The following WDR19 variants were observed in gnomAD, a reference collection of about 807,000 sequenced individuals.
The protein encoded by WDR19 is WD repeat-containing protein 19.
WDR19 carries 121 observed loss-of-function variants against 180.0 expected under a neutral mutation model. That is an observed-to-expected ratio of 0.67 (90% CI 0.58 to 0.78). The LOEUF is 0.78. WDR19 is among the 30% of genes least tolerant of loss of function. WDR19 has a pLI of 0.00. For synonymous variants in WDR19, 497 were observed against 540.7 expected (o/e 0.92, Z 1.12); for missense variants, 1,450 against 1,640.7 (o/e 0.88, Z 2.01).
rs1432446286 is a variant in WDR19 at position 39,231,822 on chromosome 4, A to G, written c.2008A>G (p.Arg670Gly). The G allele has an allele frequency of 1.8e-5, 29 of 1,595,714 alleles. No homozygotes were observed. The highest frequency in any genetic ancestry group is 2.5e-5 in the Non-Finnish European group (29 of 1,165,336). The change falls in exon 18 of 37, where the codon AGG becomes GGG. Residue 670 changes from arginine (R) to glycine (G), a missense_variant. Coordinates refer to ENST00000399820, the MANE Select transcript of WDR19 (RefSeq NM_025132.4). ...KRFSDAWEMC[R>G]ILNDEAAWNE... is the part of the protein sequence containing the mutation. ...GTTTTCTGATGCTTGGGAAATGTGC[A>G]GGATTCTGAATGATGAGGCTGCCTG...
Position 39,279,793 on chromosome 4 carries a change from C to G in WDR19, c.*13+1130C>G, listed in dbSNP as rs114996371. 2.6e-3 allele frequency among the ~76,000 whole-genome samples: 399 copies of G among 151,542 alleles called. 2 individuals carry two copies. Among genetic ancestry groups the G allele is most frequent in the African/African-American group, 9.2e-3 (380 of 41,314 alleles). ...CTCGGCTTACTGCAACCTCTGCCTC[C>G]CAGATTCTAGTGATTCTCGTGCCTC... On this transcript the variant is annotated intron_variant, in intron 36 of 36. Coordinates refer to ENST00000399820, the MANE Select transcript of WDR19 (RefSeq NM_025132.4).
At position 39,245,387 on chromosome 4, in the gene WDR19, T is replaced by A; in HGVS notation, c.2664T>A (p.Leu888=). The A allele has an allele frequency of 6.2e-7, 1 of 1,613,630 alleles. No individual in the cohort carries two copies. The highest frequency in any genetic ancestry group is 8.5e-7 in the Non-Finnish European group (1 of 1,179,764). The stretch of plus-strand genomic sequence containing the variant: ...TTTCCAGGGCAAAAGTTGGTGATCT[T>A]CTGCCCCACGTTTCTTCTCCTAAGA... The part of the protein sequence containing the change: ...RSKNWAKVGD[L]LPHVSSPKIH... The change falls in exon 24 of 37, where the codon CTT becomes CTA. Residue 888 remains leucine (L), a synonymous_variant. Coordinates refer to ENST00000399820, the MANE Select transcript of WDR19 (RefSeq NM_025132.4).
intron 13 of WDR19, 125 bp downstream of exon 13, chr4:39,217,365 A>T: frequency 1.4e-6 from 1 of 731,028 alleles, no homozygotes; most frequent in Non-Finnish European, 2.2e-6. Context: ...AGTGTGAGTA[A>T]AGGATTAACA....
At chr4:39,244,198 A>G (rs1732259962) in intron 21 of WDR19, 50 bp from the exon 22 acceptor site, 9 of 1,590,170 alleles carry the variant, frequency 5.7e-6, no homozygotes, top group Admixed American at 3.4e-5. Flanking sequence ...TCTTAAACAC[A>G]TCGTGTTAAG....
At chr4:39,211,929 C>CAGAG (rs60128786) in intron 9 of WDR19, among the ~76,000 whole-genome samples, 26 of 135,346 alleles carry the variant, frequency 1.9e-4, no homozygotes, top group African/African-American at 6.6e-4. Context: ...TATAGACAGA[C>CAGAG]AGAGAGAGAG....
chr4:39,242,960 G>A (rs1210779979), intron 21 of WDR19, among the ~76,000 whole-genome samples: 7 of 151,972 alleles, frequency 4.6e-5, no homozygotes, highest in South Asian at 2.1e-4. Context: ...GAGCCACCGC[G>A]CCCGGCCCAT....
intron 12 of WDR19, 89 bp from the exon 13 acceptor site, chr4:39,217,045 C>G (rs922044854): frequency 2.0e-5 from 17 of 842,510 alleles, no homozygotes; most frequent in Non-Finnish European, 3.1e-5. Flanking sequence ...AATATTTTTG[C>G]AAAAGCACAC....
rs1355749140 is a variant in WDR19, at chr4:39,255,933, C to A, written c.3087C>A (p.Phe1029Leu). 5.6e-6 allele frequency: 9 copies of A among 1,604,914 alleles called. No homozygotes were observed. The highest frequency in any genetic ancestry group is 7.7e-6 in the Non-Finnish European group (9 of 1,175,978). ...AGAGATATCTTCAGGCTGGAAAATT[C>A]TTCTTGCTGTGTGGCCAATATTCAC... ...GEKRYLQAGK[F>L]FLLCGQYSRA... The change falls in exon 27 of 37, where the codon TTC becomes TTA. Residue 1029 changes from phenylalanine to leucine, a missense_variant. Transcript: ENST00000399820.
At chr4:39,262,292 G>A (rs1301592003) in intron 28 of WDR19, among the ~76,000 whole-genome samples, 2 of 152,020 alleles carry the variant, frequency 1.3e-5, no homozygotes, top group Non-Finnish European at 2.9e-5. Flanking sequence ...GTCTCTCTCT[G>A]TTGCCCAGGT....
At chr4:39,207,749 C>G (rs1438145871) in intron 9 of WDR19, among the ~76,000 whole-genome samples, 1 of 152,104 alleles carries the variant, frequency 6.6e-6, no homozygotes, top group Non-Finnish European at 1.5e-5. Context: ...GAAGGAAGTT[C>G]TTCAGATAGA....
intron 9 of WDR19, among the ~76,000 whole-genome samples, chr4:39,212,738 C>T (rs1007121098): frequency 6.6e-6 from 1 of 152,202 alleles, no homozygotes; most frequent in African/African-American, 2.4e-5. Flanking sequence ...AAAGGACTCT[C>T]AAGACCCAAC....
chr4:39,214,057 T>C (rs1009231898), intron 9 of WDR19, among the ~76,000 whole-genome samples: 12 of 152,180 alleles, frequency 7.9e-5, no homozygotes, highest in Non-Finnish European at 1.3e-4. Flanking sequence ...ACAACTTTCA[T>C]TTACATCAAC....
Position 39,257,546 on chromosome 4 carries a change from A to G in WDR19, c.3175A>G (p.Ile1059Val). 1.3e-6 allele frequency: 2 copies of G among 1,585,742 alleles called. No individual in the cohort carries two copies. Among genetic ancestry groups the G allele is most frequent in the South Asian group, 1.2e-5 (1 of 86,804 alleles). Residue 1059 changes from isoleucine to valine, a missense_variant, in exon 28 of 37, where the codon ATT becomes GTT. Coordinates refer to ENST00000399820, the MANE Select transcript of WDR19 (RefSeq NM_025132.4). ...SEDNVAIEMAIETVGQAKDEL... is the reference protein window; with the variant it reads ...SEDNVAIEMAVETVGQAKDEL... ...AGATAATGTGGCAATAGAAATGGCA[A>G]TTGAAACTGTAAGTACGCTTTCAAT...
At chr4:39,246,418 C>T (rs1009473764) in intron 24 of WDR19, among the ~76,000 whole-genome samples, 1 of 152,188 alleles carries the variant, frequency 6.6e-6, no homozygotes, top group African/African-American at 2.4e-5. Flanking sequence ...CTATAGCGCC[C>T]AGCATGAGCG....
At position 39,220,560 on chromosome 4, in the gene WDR19, A is replaced by ATTTTTTTT. The variant is rs142037096; in HGVS notation, c.1479+2472_1479+2479dup. Among the ~76,000 whole-genome samples, 39 of 64,384 alleles carry ATTTTTTTT rather than the reference A, an allele frequency of 6.1e-4. 3 individuals are homozygous for ATTTTTTTT. Among genetic ancestry groups the ATTTTTTTT allele is most frequent in the East Asian group, 1.1e-3 (2 of 1,898 alleles). The allele number at this position is 64,384 out of a possible 152,430, so 42.2% of individuals were successfully genotyped here. ...TTTTTTTTAGAAACAGACCTCCTTGATTTTTTTTTTTTTTTTTTTTTTTTG... is the reference window on the plus strand; with the variant it reads ...TTTTTTTTAGAAACAGACCTCCTTGATTTTTTTTTTTTTTTTTTTTTTTTTTTTTTTTG... On this transcript the variant is annotated intron_variant, in intron 14 of 36. Transcript: ENST00000399820.
At chr4:39,270,688 G>A (rs1438836656) in intron 31 of WDR19, among the ~76,000 whole-genome samples, 5 of 151,584 alleles carry the variant, frequency 3.3e-5, no homozygotes, top group African/African-American at 1.2e-4. Context: ...TTCTTATATT[G>A]TTTTGATTTT....
chr4:39,253,889 A>C lies in WDR19; in HGVS notation c.2877-17A>C. The C allele has an allele frequency of 6.3e-7, 1 of 1,581,186 alleles. No individual in the cohort carries two copies. The highest frequency in any genetic ancestry group is 8.6e-7 in the Non-Finnish European group (1 of 1,163,474). On this transcript the variant is annotated splice_polypyrimidine_tract_variant and intron_variant, in intron 25 of 36. Transcript: ENST00000399820. The stretch of plus-strand genomic sequence containing the variant: ...ATTTATATTAAGAGTCTAGCTAATT[A>C]AAGTACTTTGCTTTAGGTTTTTTCT...
chr4:39,245,792 A>T (rs1732459261), intron 24 of WDR19, among the ~76,000 whole-genome samples: 1 of 152,260 alleles, frequency 6.6e-6, no homozygotes, highest in African/African-American at 2.4e-5. Flanking sequence ...GGAAAAGAAA[A>T]GTGAAGAAAC....
chr4:39,183,270 T>TTTTTTTA (rs1182348960), intron 1 of WDR19, among the ~76,000 whole-genome samples: 1 of 147,814 alleles, frequency 6.8e-6, no homozygotes, highest in African/African-American at 2.5e-5. Context: ...TTTTTTTTTT[T>TTTTTTTA]ACTGAGTCTC....
Sources: gnomAD v4.1 joint callset for allele counts (sites outside exome capture counted in the v4.1 genomes callset) on GRCh38, gnomAD v4.1.1 for gene constraint, MANE v1.5 for transcripts, NCBI Gene and HGNC (gene_info 2026-07-23, HGNC 2026-07-21) for gene names.